INPP4B: variants seen among roughly 807,000 people sequenced by gnomAD.
INPP4B encodes inositol polyphosphate 4-phosphatase type II.
INPP4B carries 55 observed loss-of-function variants against 122.5 expected under a neutral mutation model. The observed-to-expected ratio is 0.45, with a 90% CI of 0.36 to 0.56. The LOEUF (loss-of-function observed/expected upper bound fraction) is 0.56, where lower values mean the gene tolerates loss of function less well. INPP4B is among the 20% of genes least tolerant of loss of function. The pLI, the probability that INPP4B is intolerant of heterozygous loss-of-function variation, is 0.00. For missense variants in INPP4B, 1,000 were observed against 1,097.7 expected (o/e 0.91, Z 1.26); for synonymous variants, 403 against 388.7 (o/e 1.04, Z -0.43).
intron 9 of INPP4B, among the ~76,000 whole-genome samples, chr4:142,272,509 T>G (rs922648525): frequency 6.6e-6 from 1 of 152,058 alleles, no homozygotes; most frequent in African/African-American, 2.4e-5. Context: ...AATTATAATG[T>G]TGATTCAGTT....
intron 3 of INPP4B, among the ~76,000 whole-genome samples, chr4:142,437,150 G>A (rs1024675334): frequency 1.3e-5 from 2 of 151,848 alleles, no homozygotes; most frequent in Non-Finnish European, 2.9e-5. Flanking sequence ...TCAAGCAGAA[G>A]AAATAATTTC....
At chr4:142,781,546 A>G (rs919486600) in intron 1 of INPP4B, among the ~76,000 whole-genome samples, 20 of 152,332 alleles carry the variant, frequency 1.3e-4, no homozygotes, top group Admixed American at 7.2e-4. Context: ...ACTGGCATCG[A>G]TAATATAAAA....
At chr4:142,829,963 A>T (rs983969585) in intron 1 of INPP4B, among the ~76,000 whole-genome samples, 1 of 152,182 alleles carries the variant, frequency 6.6e-6, no homozygotes, top group Non-Finnish European at 1.5e-5. Flanking sequence ...CCATTTTAAT[A>T]ACTACAATAA....
chr4:142,554,208 AAAAG>A (rs1220059199), intron 2 of INPP4B, among the ~76,000 whole-genome samples: 5 of 150,250 alleles, frequency 3.3e-5, no homozygotes, highest in African/African-American at 1.2e-4. Context: ...AAAAAAAAGA[AAAAG>A]AAAAAAGCCA....
intron 2 of INPP4B, among the ~76,000 whole-genome samples, chr4:142,645,303 A>T (rs921637612): frequency 5.9e-5 from 9 of 152,202 alleles, no homozygotes; most frequent in African/African-American, 2.2e-4. Context: ...TTCTCTTAGG[A>T]TGGATAATGT....
At chr4:142,589,155 C>T (rs1736883096) in intron 2 of INPP4B, among the ~76,000 whole-genome samples, 1 of 151,904 alleles carries the variant, frequency 6.6e-6, no homozygotes, top group Non-Finnish European at 1.5e-5. Context: ...ATAAAAATAA[C>T]CAAGCACAAG....
chr4:142,268,959 C>T (rs1344114940), intron 10 of INPP4B, among the ~76,000 whole-genome samples: 1 of 152,082 alleles, frequency 6.6e-6, no homozygotes, highest in Non-Finnish European at 1.5e-5. Context: ...AAATTGCTCA[C>T]AATTCCTTGT....
At chr4:142,621,701 G>C (rs186084042) in intron 2 of INPP4B, among the ~76,000 whole-genome samples, 1 of 151,606 alleles carries the variant, frequency 6.6e-6, no homozygotes, top group Admixed American at 6.6e-5. Context: ...GCTGAATAAT[G>C]ATGTGGATTA....
At chr4:142,164,710 T>C (rs1821848225) in intron 16 of INPP4B, among the ~76,000 whole-genome samples, 1 of 151,770 alleles carries the variant, frequency 6.6e-6, no homozygotes, top group African/African-American at 2.4e-5. Context: ...AAGTGCACTC[T>C]TTCATGGTCT....
At chr4:142,108,063 A>G (rs1788052678) in intron 23 of INPP4B, 30 bp downstream of exon 23, 4 of 1,099,180 alleles carry the variant, frequency 3.6e-6, no homozygotes, top group Non-Finnish European at 5.5e-6. Context: ...AGAAGCTATT[A>G]TTGCTGTCTT....
intron 1 of INPP4B, among the ~76,000 whole-genome samples, chr4:142,772,135 T>C (rs1773168802): frequency 6.6e-6 from 1 of 152,148 alleles, no homozygotes; most frequent in Non-Finnish European, 1.5e-5. Flanking sequence ...AGGTTGGAGA[T>C]AAAAATTTGT....
At chr4:142,605,093 A>G (rs1258183145) in intron 2 of INPP4B, among the ~76,000 whole-genome samples, 1 of 152,098 alleles carries the variant, frequency 6.6e-6, no homozygotes, top group African/African-American at 2.4e-5. Context: ...ATCTTTGGCA[A>G]AGTCACCAGG....
At chr4:142,825,024 C>T (rs1002955327) in intron 1 of INPP4B, among the ~76,000 whole-genome samples, 1 of 151,888 alleles carries the variant, frequency 6.6e-6, no homozygotes, top group Non-Finnish European at 1.5e-5. Context: ...TGTGAAATAG[C>T]ACTGCATCCT....
chr4:142,209,139 G>A, intron 12 of INPP4B, 113 bp from the exon 13 acceptor site: 4 of 712,222 alleles, frequency 5.6e-6, no homozygotes, highest in South Asian at 9.6e-5. Flanking sequence ...TAATTCCCAG[G>A]AAAGTTCTAT....
chr4:142,330,735 T>C (rs933583149), intron 7 of INPP4B, among the ~76,000 whole-genome samples: 2 of 152,216 alleles, frequency 1.3e-5, no homozygotes, highest in Non-Finnish European at 2.9e-5. Flanking sequence ...ATTTTAACAT[T>C]TAAAATTCTT....
chr4:142,189,347 T>G (rs778411353), intron 15 of INPP4B, among the ~76,000 whole-genome samples: 3 of 152,224 alleles, frequency 2.0e-5, no homozygotes, highest in Non-Finnish European at 4.4e-5. Flanking sequence ...CAACTATATC[T>G]GATTTCTATG....
intron 2 of INPP4B, among the ~76,000 whole-genome samples, chr4:142,463,860 C>A (rs1393115766): frequency 6.6e-6 from 1 of 152,132 alleles, no homozygotes; most frequent in Admixed American, 6.5e-5. Context: ...GCCTCCCCAG[C>A]CCTGCAGAAC....
chr4:142,113,109 T>C (rs1333243302), intron 21 of INPP4B, among the ~76,000 whole-genome samples: 3 of 152,128 alleles, frequency 2.0e-5, no homozygotes, highest in African/African-American at 7.2e-5. Flanking sequence ...GCTTGTTTGT[T>C]ATCACTATTG....
At chr4:142,243,493 G>C (rs1860558330) in intron 11 of INPP4B, among the ~76,000 whole-genome samples, 1 of 152,196 alleles carries the variant, frequency 6.6e-6, no homozygotes, top group African/African-American at 2.4e-5. Flanking sequence ...ATCTAGGGAG[G>C]AAGTGAAAAG....
Sources: gnomAD v4.1 joint callset for allele counts (sites outside exome capture counted in the v4.1 genomes callset) on GRCh38, gnomAD v4.1.1 for gene constraint, MANE v1.5 for transcripts, NCBI Gene and HGNC (gene_info 2026-07-23, HGNC 2026-07-21) for gene names.